The following ADAMTSL3 variants were observed in gnomAD, a reference collection of about 807,000 sequenced individuals.
ADAMTSL3 encodes the protein ADAMTS like 3.
Under a neutral mutation model 201.7 loss-of-function variants are expected in ADAMTSL3, and 128 were observed. That is an observed-to-expected ratio of 0.63 (90% CI 0.55 to 0.73). The LOEUF (loss-of-function observed/expected upper bound fraction) is 0.73. Ranked by LOEUF, ADAMTSL3 falls within the 30% of genes least tolerant of loss-of-function variation. The pLI, the probability that ADAMTSL3 is intolerant of heterozygous loss-of-function variation, is 0.00. For synonymous variants in ADAMTSL3, 738 were observed against 748.4 expected (o/e 0.99, Z 0.23); for missense variants, 1,990 against 2,119.6 (o/e 0.94, Z 1.20).
Position 84,036,881 on chromosome 15 carries a change from A to G in ADAMTSL3, c.4863A>G (p.Lys1621=), listed in dbSNP as rs552144849. Residue 1621 remains lysine (K), a synonymous_variant, in exon 29 of 30, where the codon AAA becomes AAG. Coordinates refer to ENST00000286744, the MANE Select transcript of ADAMTSL3 (RefSeq NM_207517.3). Reference sequence around the variant, plus strand: ...GTGGCAGGGGTTTCCAGTCTCGGAAAGTCGACTGTATCCACACAAGGAGTT... The same window carrying G: ...GTGGCAGGGGTTTCCAGTCTCGGAAGGTCGACTGTATCCACACAAGGAGTT... ...AACGRGFQSR[K]VDCIHTRSCK... is the part of the protein sequence containing the mutation. 1.4e-5 allele frequency: 23 copies of G among 1,614,168 alleles called. No homozygotes were observed. In the South Asian group the frequency reaches 2.3e-4, roughly 16 times the overall value.
intron 29 of ADAMTSL3, 109 bp downstream of exon 29, chr15:84,037,096 C>G: frequency 8.7e-7 from 1 of 1,153,458 alleles, no homozygotes; most frequent in Non-Finnish European, 1.2e-6. Context: ...TCATCAGTGT[C>G]CCAACTGAGG....
At position 83,942,986 on chromosome 15, in the gene ADAMTSL3, C is replaced by G. The variant is rs1353733228; in HGVS notation, c.2394C>G (p.Leu798=). ...TAACGGATGGCAGCTTTTTGAATCT[C>G]TCAGATGAATTGTGCCAAGGACCCA... ...QLLTDGSFLN[L]SDELCQGPKA... is the part of the protein sequence containing the mutation. Residue 798 remains leucine, a synonymous_variant, in exon 19 of 30, where the codon CTC becomes CTG. Coordinates refer to ENST00000286744, the MANE Select transcript of ADAMTSL3 (RefSeq NM_207517.3). 3 of 1,614,088 alleles carry G rather than the reference C, an allele frequency of 1.9e-6. No individual in the cohort carries two copies. The highest frequency in any genetic ancestry group is 3.3e-5 in the Admixed American group (2 of 60,020).
chr15:83,664,415 G>A (rs2061219952), intron 2 of ADAMTSL3, among the ~76,000 whole-genome samples: 1 of 152,096 alleles, frequency 6.6e-6, no homozygotes, highest in Non-Finnish European at 1.5e-5. Flanking sequence ...GTGGTGTCAA[G>A]CACAAATGCT....
intron 4 of ADAMTSL3, among the ~76,000 whole-genome samples, chr15:83,782,569 G>T (rs2063189659): frequency 6.6e-6 from 1 of 152,146 alleles, no homozygotes; most frequent in Non-Finnish European, 1.5e-5. Flanking sequence ...CATGTCTTGT[G>T]CAGGAACATG....
intron 5 of ADAMTSL3, among the ~76,000 whole-genome samples, chr15:83,813,954 G>A (rs2141891013): frequency 6.6e-6 from 1 of 152,306 alleles, no homozygotes; most frequent in Non-Finnish European, 1.5e-5. Flanking sequence ...AGGATTAAAG[G>A]CAATGCTGGA....
At chr15:83,669,564 T>C (rs965199910) in intron 2 of ADAMTSL3, among the ~76,000 whole-genome samples, 8 of 147,836 alleles carry the variant, frequency 5.4e-5, no homozygotes, top group Non-Finnish European at 1.0e-4. Context: ...GCCTCCTGGG[T>C]TCACTCCATT....
chr15:83,921,328 G>A (rs74026620), intron 16 of ADAMTSL3, among the ~76,000 whole-genome samples: 3,045 of 152,246 alleles, frequency 0.02, 109 homozygotes, highest in African/African-American at 0.07. Flanking sequence ...GATGCTTCAA[G>A]AAAGCATAGT....
intron 5 of ADAMTSL3, among the ~76,000 whole-genome samples, chr15:83,817,806 G>T (rs1448578300): frequency 6.6e-6 from 1 of 152,160 alleles, no homozygotes; most frequent in Non-Finnish European, 1.5e-5. Flanking sequence ...AACACTTTGG[G>T]AGGCTGAGGT....
chr15:83,734,953 C>T lies in ADAMTSL3; in HGVS notation c.189+30445C>T, dbSNP rs117235834. On this transcript the variant is annotated intron_variant, in intron 3 of 29. Coordinates refer to ENST00000286744, the MANE Select transcript of ADAMTSL3 (RefSeq NM_207517.3). ...GAACACCGACAGAAAGTAGGGAACC[C>T]GAACCTCCAATACTAGTTTTCAGAT... 8.2e-4 allele frequency among the ~76,000 whole-genome samples: 125 copies of T among 152,154 alleles called. 1 individual carries two copies. The East Asian group carries it at 0.022, about 27-fold the overall frequency.
At chr15:83,976,424 G>C (rs1216869777) in intron 20 of ADAMTSL3, among the ~76,000 whole-genome samples, 1 of 151,964 alleles carries the variant, frequency 6.6e-6, no homozygotes. Context: ...CAGTCGTAGG[G>C]GATGGTTTTG....
intron 8 of ADAMTSL3, among the ~76,000 whole-genome samples, chr15:83,860,007 TA>T (rs961023000): frequency 2.8e-4 from 42 of 147,746 alleles, no homozygotes; most frequent in Middle Eastern, 7.0e-3. Context: ...TACGAAAAAT[TA>T]AAAAAAAAAA....
chr15:83,829,047 A>G (rs1376153196), intron 6 of ADAMTSL3, among the ~76,000 whole-genome samples: 1 of 152,182 alleles, frequency 6.6e-6, no homozygotes, highest in Admixed American at 6.5e-5. Context: ...TCATAAAATG[A>G]GTTAGGGAGG....
intron 23 of ADAMTSL3, among the ~76,000 whole-genome samples, chr15:84,001,726 A>G (rs550209205): frequency 2.0e-5 from 3 of 152,234 alleles, no homozygotes; most frequent in Non-Finnish European, 4.4e-5. Flanking sequence ...CCAGGGCTCA[A>G]CCTCACCTGA....
chr15:83,950,345 A>G (rs936013734), intron 19 of ADAMTSL3, among the ~76,000 whole-genome samples: 1 of 151,644 alleles, frequency 6.6e-6, no homozygotes, highest in African/African-American at 2.4e-5. Context: ...TGGGATCTCT[A>G]CTCTGTTCCA....
intron 23 of ADAMTSL3, among the ~76,000 whole-genome samples, chr15:83,996,213 A>G (rs2067683568): frequency 6.6e-6 from 1 of 152,248 alleles, no homozygotes; most frequent in Admixed American, 6.5e-5. Context: ...CATCTATTGT[A>G]TAGTGATGAT....
intron 2 of ADAMTSL3, among the ~76,000 whole-genome samples, chr15:83,658,192 C>T (rs1430772779): frequency 2.0e-5 from 3 of 152,196 alleles, no homozygotes. Flanking sequence ...TCACTGCAAC[C>T]TCTGCTTGCT....
In ADAMTSL3 at chr15:83,954,838, C is replaced by CCTCT. The variant is rs1555464595; in HGVS notation, c.2490+11757_2490+11760dup. 2.5e-4 allele frequency among the ~76,000 whole-genome samples: 38 copies of CCTCT among 152,284 alleles called. No homozygotes were observed. In the East Asian group the frequency reaches 4.8e-3, roughly 19 times the overall value. ...CTCCCAAACAAACAGCATCTCTCTG[C>CCTCT]CTCTGTCTCTGTCTCTCTCTCTCTC... On this transcript the variant is annotated intron_variant, in intron 19 of 29. Transcript: ENST00000286744.
intron 7 of ADAMTSL3, among the ~76,000 whole-genome samples, chr15:83,849,977 A>G (rs1467711685): frequency 6.6e-6 from 1 of 152,170 alleles, no homozygotes; most frequent in Non-Finnish European, 1.5e-5. Flanking sequence ...TCTGTGCAAT[A>G]TAATTACTAA....
In ADAMTSL3 at chr15:83,834,957, G is replaced by A. The variant is rs181325109; in HGVS notation, c.601-3132G>A. 1.8e-3 allele frequency among the ~76,000 whole-genome samples: 279 copies of A among 152,220 alleles called. 2 individuals are homozygous for A. The highest frequency in any genetic ancestry group is 4.7e-3 in the Admixed American group (72 of 15,298). On this transcript the variant is annotated intron_variant, in intron 6 of 29. Coordinates refer to ENST00000286744, the MANE Select transcript of ADAMTSL3 (RefSeq NM_207517.3). ...TTTAGAAGTTGCTTATTGTTGGGCC[G>A]GGCGCTGTGGTTCACGCTTGTAATC...
Sources: allele counts gnomAD v4.1 joint callset (sites outside exome capture counted in the v4.1 genomes callset), GRCh38; gene constraint gnomAD v4.1.1; transcripts MANE v1.5; gene names NCBI Gene and HGNC (gene_info 2026-07-23, HGNC 2026-07-21).